DYNC2H1: variants seen among roughly 807,000 people sequenced by gnomAD.
DYNC2H1 encodes cytoplasmic dynein 2 heavy chain 1.
Under a neutral mutation model 570.0 loss-of-function variants are expected in DYNC2H1, and 410 were observed. That is an observed-to-expected ratio of 0.72 (90% confidence interval 0.66 to 0.78). The LOEUF is 0.78. DYNC2H1 is among the 30% of genes least tolerant of loss of function. DYNC2H1 has a pLI of 0.00. For missense variants in DYNC2H1, 4,865 were observed against 5,046.4 expected (o/e 0.96, Z 1.09); for synonymous variants, 1,688 against 1,677.6 (o/e 1.01, Z -0.15).
intron 54 of DYNC2H1, among the ~76,000 whole-genome samples, chr11:103,214,323 A>G (rs574038075): frequency 6.6e-6 from 1 of 152,252 alleles, no homozygotes; most frequent in Admixed American, 6.5e-5. Context: ...GTTTCAAACA[A>G]ATTTTTGGAT....
rs1190732065 is a variant in DYNC2H1 at position 103,363,128 on chromosome 11, T to C, written c.12156+4769T>C. Among the ~76,000 whole-genome samples the C allele has an allele frequency of 6.6e-6, 1 of 152,134 alleles. No homozygotes were observed. The highest frequency in any genetic ancestry group is 1.5e-5 in the Non-Finnish European group (1 of 68,016). ...TAGGTTTAGCTTGATTTTTATCCTG[T>C]TATTTTGCACGAGATGCCTTAGTAA... is the stretch of plus-strand genomic sequence containing the variant. On this transcript the variant is annotated intron_variant, in intron 83 of 88. Transcript: ENST00000375735. This position sits in a 1 kb window ranked among gnomAD's most constrained non-coding sequence, Gnocchi z 5.6.
chr11:103,196,920 G>A (rs539876043), intron 47 of DYNC2H1, among the ~76,000 whole-genome samples: 9 of 152,188 alleles, frequency 5.9e-5, no homozygotes, highest in Admixed American at 5.9e-4. Context: ...GACATAGCTT[G>A]GATCTAGGGA....
chr11:103,187,383 A>G lies in DYNC2H1; in HGVS notation c.6937A>G (p.Ile2313Val), dbSNP rs761828627. ...YAFSQLRSTQIATVHCSAQTT... is the reference protein window; with the variant it reads ...YAFSQLRSTQVATVHCSAQTT... The stretch of plus-strand genomic sequence containing the variant: ...ATTTTCACAACTCCGGTCCACTCAA[A>G]TTGCTACAGTTCACTGTAGTGCACA... The change falls in exon 43 of 89, where the codon ATT becomes GTT. Residue 2313 changes from isoleucine (I) to valine (V), a missense_variant. Physicochemically the swap from Ile to Val is conservative, Grantham distance 29. Around this residue, in one of 5 missense-constraint regions of DYNC2H1, gnomAD observed 2,401 missense variants for 2,454.6 expected, o/e 0.98. Transcript: ENST00000375735. The G allele has an allele frequency of 9.9e-6, 16 of 1,613,186 alleles. No individual in the cohort carries two copies. The highest frequency in any genetic ancestry group is 1.4e-5 in the Non-Finnish European group (16 of 1,179,378).
chr11:103,477,750 G>A (rs902399277), intron 88 of DYNC2H1, among the ~76,000 whole-genome samples: 5 of 139,918 alleles, frequency 3.6e-5, no homozygotes, highest in African/African-American at 1.0e-4. Flanking sequence ...AGAGTGGAAT[G>A]AACCCGGGAG....
At chr11:103,329,276 G>A (rs142812958) in intron 82 of DYNC2H1, among the ~76,000 whole-genome samples, 1 of 151,828 alleles carries the variant, frequency 6.6e-6, no homozygotes, top group Non-Finnish European at 1.5e-5. Flanking sequence ...AAGCAGAAGA[G>A]CTTTAAAAGA....
rs565614932 is a variant in DYNC2H1 at position 103,320,604 on chromosome 11, G to A, written c.11726-425G>A. On this transcript the variant is annotated intron_variant, in intron 80 of 88. Transcript: ENST00000375735. ...AGTTTCATCAAATGTGTAAAATTAT[G>A]TTTTGGATAGGTTCTCTTAAGGAAT... Among the ~76,000 whole-genome samples, 3 of 152,260 alleles carry A rather than the reference G, an allele frequency of 2.0e-5. No homozygotes were observed. In the South Asian group the frequency reaches 6.2e-4, roughly 32 times the overall value.
chr11:103,326,382 T>C lies in DYNC2H1; in HGVS notation c.12039+2392T>C, dbSNP rs115006510. On this transcript the variant is annotated intron_variant, in intron 82 of 88. Transcript: ENST00000375735. The surrounding 1 kb of genome is among the most constrained non-coding windows in gnomAD (Gnocchi z 6.1). ...CCTCTGACAGGCTGCATCCGGGAGA[T>C]AGGCCGGCCATACGCTTTCTGGGCC... 0.014 allele frequency among the ~76,000 whole-genome samples: 2,177 copies of C among 152,228 alleles called. 47 individuals are homozygous for C. Among genetic ancestry groups the C allele is most frequent in the African/African-American group, 0.044 (1,846 of 41,518 alleles).
chr11:103,196,726 A>G (rs1862520857), intron 47 of DYNC2H1, among the ~76,000 whole-genome samples: 1 of 152,166 alleles, frequency 6.6e-6, no homozygotes, highest in African/African-American at 2.4e-5. Context: ...CGTGATAAGT[A>G]GGGTTACATA....
intron 79 of DYNC2H1, among the ~76,000 whole-genome samples, chr11:103,315,531 T>G (rs2135425373): frequency 6.8e-6 from 1 of 147,000 alleles, no homozygotes; most frequent in Non-Finnish European, 1.5e-5. Context: ...TTTTCATGTC[T>G]TCATACTCCA....
chr11:103,121,387 T>C lies in DYNC2H1; in HGVS notation c.1376T>C (p.Phe459Ser). The C allele has an allele frequency of 1.2e-6, 2 of 1,607,062 alleles. No individual in the cohort carries two copies. The highest frequency in any genetic ancestry group is 1.7e-6 in the Non-Finnish European group (2 of 1,177,842). ...AATTTTATAGATTTTCGATTAGACT[T>C]TGAGAATCGGTGCCGAGGAATTCCT... ...VDSIKDFRLD[F>S]ENRCRGIPGD... The change falls in exon 10 of 89, where the codon TTT (phenylalanine) becomes TCT (serine). Residue 459 changes from phenylalanine (F) to serine (S), a missense_variant. Phe to Ser is a radical substitution (Grantham distance 155, BLOSUM62 -2). Transcript: ENST00000375735.
At chr11:103,406,009 A>C (rs1170440101) in intron 84 of DYNC2H1, among the ~76,000 whole-genome samples, 1 of 152,030 alleles carries the variant, frequency 6.6e-6, no homozygotes, top group Admixed American at 6.6e-5. Context: ...GATTGAAGCC[A>C]GTTGATTAGG....
Position 103,198,083 on chromosome 11 carries a change from T to C in DYNC2H1, c.7839+20T>C. The C allele has an allele frequency of 6.5e-7, 1 of 1,548,550 alleles. No individual in the cohort carries two copies. Among genetic ancestry groups the C allele is most frequent in the Non-Finnish European group, 8.7e-7 (1 of 1,144,690 alleles). On this transcript the variant is annotated intron_variant, in intron 48 of 88. Coordinates refer to ENST00000375735, the MANE Select transcript of DYNC2H1 (RefSeq NM_001377.3). ...AAAAAGGTATAATATGAATCATTAATTGGAACTGGGATTTGGTCATTATAG... is the reference window on the plus strand; with the variant it reads ...AAAAAGGTATAATATGAATCATTAACTGGAACTGGGATTTGGTCATTATAG...
At chr11:103,287,865 G>A (rs1866410577) in intron 75 of DYNC2H1, 1 of 340,206 alleles carries the variant, frequency 2.9e-6, no homozygotes, top group Non-Finnish European at 5.3e-6. Flanking sequence ...GAATTGCCAT[G>A]GAGAAAGAGT....
chr11:103,281,350 C>T (rs1219838500), intron 71 of DYNC2H1, among the ~76,000 whole-genome samples: 2 of 151,924 alleles, frequency 1.3e-5, no homozygotes, highest in African/African-American at 4.8e-5. Context: ...CAGTATGTTC[C>T]ATGAAATATA....
In DYNC2H1 at chr11:103,159,036, C is replaced by T. The variant is rs1417459030; in HGVS notation, c.4378+9C>T. The T allele has an allele frequency of 6.3e-7, 1 of 1,596,594 alleles. No individual in the cohort carries two copies. Among genetic ancestry groups the T allele is most frequent in the Non-Finnish European group, 8.6e-7 (1 of 1,166,472 alleles). ...GAAGAAGCTTTTTGCTGGTAGGATTCAACATTTATTTAACAGATATTTATT... is the reference window on the plus strand; with the variant it reads ...GAAGAAGCTTTTTGCTGGTAGGATTTAACATTTATTTAACAGATATTTATT... On this transcript the variant is annotated intron_variant, in intron 28 of 88. Coordinates refer to ENST00000375735, the MANE Select transcript of DYNC2H1 (RefSeq NM_001377.3).
Position 103,151,871 on chromosome 11 carries a change from A to G in DYNC2H1, c.2947-265A>G, listed in dbSNP as rs987944646. 2.6e-5 allele frequency among the ~76,000 whole-genome samples: 4 copies of G among 152,070 alleles called. No homozygotes were observed. The highest frequency in any genetic ancestry group is 9.7e-5 in the African/African-American group (4 of 41,430). On this transcript the variant is annotated intron_variant, in intron 20 of 88. Coordinates refer to ENST00000375735, the MANE Select transcript of DYNC2H1 (RefSeq NM_001377.3). The surrounding 1 kb of genome is among the most constrained non-coding windows in gnomAD (Gnocchi z 4.6). ...ATCTTTATGGATTTCATTTAGTCTC[A>G]TATTACTACTTTATCTTTTTTAACC...
Position 103,479,523 on chromosome 11 carries a change from A to T in DYNC2H1, c.*270A>T. On this transcript the variant is annotated 3_prime_UTR_variant, in exon 89 of 89. Coordinates refer to ENST00000375735, the MANE Select transcript of DYNC2H1 (RefSeq NM_001377.3). The stretch of plus-strand genomic sequence containing the variant: ...AGTTCACTTTTCCAGTGGCTCAAAA[A>T]TTTGTTTTAGGTCAGAGATTTTAAG... The T allele has an allele frequency of 3.8e-6, 1 of 262,826 alleles. No individual in the cohort carries two copies. Among genetic ancestry groups the T allele is most frequent in the Admixed American group, 5.3e-5 (1 of 18,854 alleles). The allele number at this position is 262,826 out of a possible 1,614,324, so 16.3% of individuals were successfully genotyped here. A position where few individuals can be genotyped will look rare whatever the true frequency, so the allele number is the denominator to read the frequency against.
intron 75 of DYNC2H1, among the ~76,000 whole-genome samples, chr11:103,295,939 G>A (rs1330771829): frequency 6.6e-6 from 1 of 152,096 alleles, no homozygotes; most frequent in Non-Finnish European, 1.5e-5. Flanking sequence ...TTACTCCGAG[G>A]TCTCTCTGGT....
In DYNC2H1 at chr11:103,228,870, G is replaced by A. The variant is rs575882829; in HGVS notation, c.9354-2390G>A. ...ACACCTGGTGGGGGCAGGGATAGATGTATCTGAGCTCAGCCTCTCCTTTGG... is the reference window on the plus strand; with the variant it reads ...ACACCTGGTGGGGGCAGGGATAGATATATCTGAGCTCAGCCTCTCCTTTGG... On this transcript the variant is annotated intron_variant, in intron 59 of 88. Transcript: ENST00000375735. This position sits in a 1 kb window ranked among gnomAD's most constrained non-coding sequence, Gnocchi z 6.1. 3.1e-4 allele frequency among the ~76,000 whole-genome samples: 47 copies of A among 152,232 alleles called. No homozygotes were observed. The highest frequency in any genetic ancestry group is 1.0e-3 in the African/African-American group (42 of 41,556).
Sources: allele counts gnomAD v4.1 joint callset (sites outside exome capture counted in the v4.1 genomes callset), GRCh38; gene constraint gnomAD v4.1.1; regional missense constraint gnomAD v4.1.1; non-coding constraint Gnocchi (gnomAD v3.1); transcripts MANE v1.5; gene names NCBI Gene and HGNC (gene_info 2026-07-23, HGNC 2026-07-21).